Variants in UQCC6 observed in about 807,000 individuals in gnomAD.
UQCC6 encodes ubiquinol-cytochrome c reductase complex assembly factor 6, also known as protein BRAWNIN.
chr12:103,956,912 C>T, the UQCC6 span: 1 of 579,450 alleles, frequency 1.7e-6, no homozygotes, highest in Non-Finnish European at 3.1e-6. Context: ...TCCTCCTTTA[C>T]GAGCTGAGGG....
the UQCC6 span, chr12:103,953,558 AAC>A: frequency 1.4e-6 from 1 of 702,390 alleles, no homozygotes; most frequent in East Asian, 2.7e-5. Context: ...AGTGGTTGAC[AAC>A]AGTGACAGTA....
the UQCC6 span, among the ~76,000 whole-genome samples, chr12:103,960,353 C>A: frequency 6.6e-6 from 1 of 152,198 alleles, no homozygotes; most frequent in Non-Finnish European, 1.5e-5. Flanking sequence ...AGATTACAGG[C>A]ATGAGCCACC....
chr12:103,959,900 T>A, the UQCC6 span, among the ~76,000 whole-genome samples: 33 of 146,580 alleles, frequency 2.3e-4, no homozygotes, highest in Admixed American at 5.5e-4. Context: ...GCCTCCCAAG[T>A]AGCTGAGATT....
the UQCC6 span, among the ~76,000 whole-genome samples, chr12:103,962,914 G>A: frequency 1.3e-5 from 2 of 152,170 alleles, no homozygotes; most frequent in African/African-American, 4.8e-5. Context: ...CCTGCCCTGT[G>A]TCATGCATAC....
the UQCC6 span, among the ~76,000 whole-genome samples, chr12:103,954,331 T>A: frequency 1.2e-5 from 1 of 82,932 alleles, no homozygotes; most frequent in East Asian, 4.1e-4. Flanking sequence ...TATAAAGAAG[T>A]TTATTTGGCT....
the UQCC6 span, chr12:103,956,543 CTATAAAGGAATGCCTAAGGCTGGGTAATT>C: frequency 1.1e-6 from 1 of 873,040 alleles, no homozygotes; most frequent in Admixed American, 2.1e-5. Flanking sequence ...ATCTGCATTG[CTATAAAGGAATGCCTAAGGCTGGGTAATT>C]TACAAAGAAA....
the UQCC6 span, among the ~76,000 whole-genome samples, chr12:103,955,142 C>G: frequency 6.6e-6 from 1 of 151,584 alleles, no homozygotes; most frequent in Non-Finnish European, 1.5e-5. Flanking sequence ...CAGTGAAACA[C>G]CATATCTACT....
At chr12:103,953,480 C>G in the UQCC6 span, 3 of 702,258 alleles carry the variant, frequency 4.3e-6, no homozygotes, top group Non-Finnish European at 7.8e-6. Context: ...CTCCTCTGCT[C>G]GACTCTGCCC....
At chr12:103,964,745 G>A in the UQCC6 span, among the ~76,000 whole-genome samples, 1 of 152,182 alleles carries the variant, frequency 6.6e-6, no homozygotes, top group African/African-American at 2.4e-5. Context: ...GAGAGGATGG[G>A]CTTTTTTCAT....
At chr12:103,964,393 C>T in the UQCC6 span, among the ~76,000 whole-genome samples, 1 of 152,236 alleles carries the variant, frequency 6.6e-6, no homozygotes, top group African/African-American at 2.4e-5. Flanking sequence ...GCTGGGATTA[C>T]AGGCATGAGC....
At chr12:103,962,681 C>A in the UQCC6 span, among the ~76,000 whole-genome samples, 2 of 152,232 alleles carry the variant, frequency 1.3e-5, no homozygotes, top group Non-Finnish European at 2.9e-5. Context: ...CTAGAAATTT[C>A]TGCACACTCA....
At chr12:103,954,164 T>A in the UQCC6 span, among the ~76,000 whole-genome samples, 2 of 152,238 alleles carry the variant, frequency 1.3e-5, no homozygotes, top group Admixed American at 1.3e-4. Flanking sequence ...TACACAAATG[T>A]CTATTTATGT....
At chr12:103,956,653 T>C in the UQCC6 span, 1 of 1,551,572 alleles carries the variant, frequency 6.4e-7, no homozygotes, top group South Asian at 1.2e-5. Flanking sequence ...GTAGTACCTG[T>C]GCACCACTTC....
the UQCC6 span, among the ~76,000 whole-genome samples, chr12:103,957,892 A>AAT: frequency 1.7e-5 from 2 of 115,220 alleles, no homozygotes; most frequent in South Asian, 5.0e-4. Context: ...CTCTACTAAA[A>AAT]ATATATATAT....
At chr12:103,957,310 C>CT in the UQCC6 span, 15,312 of 146,034 alleles carry the variant, frequency 0.1, 1,696 homozygotes, top group African/African-American at 0.28. Flanking sequence ...AAGCCAGTGA[C>CT]TTTTTTTTTT....
chr12:103,958,108 C>T, the UQCC6 span, among the ~76,000 whole-genome samples: 1 of 147,862 alleles, frequency 6.8e-6, no homozygotes, highest in African/African-American at 2.5e-5. Context: ...CCCAGCTACT[C>T]GGGAGGCTGA....
chr12:103,964,201 G>A, the UQCC6 span, among the ~76,000 whole-genome samples: 8 of 128,550 alleles, frequency 6.2e-5, no homozygotes, highest in Middle Eastern at 6.0e-3. Flanking sequence ...AGCCCAGGCT[G>A]GAGGGCAGTG....
At chr12:103,958,858 T>C in the UQCC6 span, among the ~76,000 whole-genome samples, 1 of 152,080 alleles carries the variant, frequency 6.6e-6, no homozygotes, top group Non-Finnish European at 1.5e-5. Flanking sequence ...CACTTTTTCT[T>C]GTTCTATACA....
the UQCC6 span, chr12:103,953,790 G>A: frequency 1.8e-6 from 1 of 540,580 alleles, no homozygotes; most frequent in African/African-American, 1.9e-5. Flanking sequence ...GGTACAGGTA[G>A]CTGCTGTAAC....
Sources: gnomAD v4.1 joint callset for allele counts (sites outside exome capture counted in the v4.1 genomes callset) on GRCh38, gnomAD v4.1.1 for gene constraint, MANE v1.5 for transcripts, NCBI Gene and HGNC (gene_info 2026-07-23, HGNC 2026-07-21) for gene names.